Variants in PRKDC observed in about 807,000 individuals in gnomAD.
PRKDC encodes the protein protein kinase, DNA-activated, catalytic subunit.
A neutral mutation model predicts 486.9 loss-of-function variants in PRKDC; 82 were observed. The observed-to-expected ratio is 0.17, with a 90% CI of 0.14 to 0.20. PRKDC has a LOEUF of 0.20. Ranked by LOEUF, PRKDC falls within the 10% of genes least tolerant of loss-of-function variation. The pLI is 1.00. For synonymous variants in PRKDC, 1,895 were observed against 1,837.0 expected (o/e 1.03, Z -0.81); for missense variants, 4,504 against 5,038.2 (o/e 0.89, Z 3.21).
chr8:47,806,200 T>C (rs2087212898), intron 69 of PRKDC, among the ~76,000 whole-genome samples: 1 of 152,198 alleles, frequency 6.6e-6, no homozygotes, highest in Admixed American at 6.5e-5. Context: ...GCTGTTGTCA[T>C]CATGTGTGCA....
chr8:47,803,177 T>C, intron 70 of PRKDC, 129 bp downstream of exon 70: 1 of 891,888 alleles, frequency 1.1e-6, no homozygotes, highest in Non-Finnish European at 1.6e-6. Context: ...CACTTTGCTA[T>C]ATTCCCTGAA....
At chr8:47,854,028 CTG>C (rs2088477546) in intron 51 of PRKDC, 53 bp downstream of exon 51, 1 of 1,595,438 alleles carries the variant, frequency 6.3e-7, no homozygotes, top group African/African-American at 1.3e-5. Context: ...ATACTGAAGT[CTG>C]TCAATCCAGT....
chr8:47,914,973 ATT>A (rs2089963787), intron 23 of PRKDC, among the ~76,000 whole-genome samples: 1 of 152,132 alleles, frequency 6.6e-6, no homozygotes, highest in Admixed American at 6.6e-5. Flanking sequence ...AAAAATGGTA[ATT>A]CTCATTTGGA....
At position 47,782,529 on chromosome 8, in the gene PRKDC, G is replaced by A. The variant is rs1368642982; in HGVS notation, c.11245C>T (p.Pro3749Ser). The change falls in exon 79 of 86, where the codon CCT (proline) becomes TCT (serine). Residue 3749 changes from proline to serine, a missense_variant. Physicochemically the swap from Pro to Ser is moderately conservative, Grantham distance 74. This residue lies in a region of PRKDC where 706 missense variants were observed against 945.0 expected (regional missense o/e 0.75). Coordinates refer to ENST00000314191, the MANE Select transcript of PRKDC (RefSeq NM_006904.7). This position sits in a 1 kb window ranked among gnomAD's most constrained non-coding sequence, Gnocchi z 4.9. The part of the protein sequence containing the change: ...IIRGHDEREH[P>S]FLVKGGEDLR... ...TCCTCGCCACCCTTCACCAGGAAAGGGTGTTCCCTCTCGTCATGGCCACGG... is the reference window on the plus strand; with the variant it reads ...TCCTCGCCACCCTTCACCAGGAAAGAGTGTTCCCTCTCGTCATGGCCACGG... The A allele has an allele frequency of 1.3e-6, 2 of 1,576,698 alleles. No homozygotes were observed. Among genetic ancestry groups the A allele is most frequent in the Non-Finnish European group, 1.7e-6 (2 of 1,161,508 alleles).
At chr8:47,831,645 G>A (rs1167525379) in intron 60 of PRKDC, among the ~76,000 whole-genome samples, 169 bp downstream of exon 60, 2 of 152,182 alleles carry the variant, frequency 1.3e-5, no homozygotes, top group East Asian at 3.9e-4. Flanking sequence ...AGAGCGCCAT[G>A]AGGGCTGCAT....
intron 29 of PRKDC, 57 bp downstream of exon 29, chr8:47,898,413 G>T: frequency 4.5e-6 from 6 of 1,345,032 alleles, no homozygotes; most frequent in Non-Finnish European, 5.2e-6. Flanking sequence ...TCCTTCATTA[G>T]CTGTGAATTA....
intron 74 of PRKDC, among the ~76,000 whole-genome samples, chr8:47,790,323 G>T (rs1011206187): frequency 2.0e-5 from 3 of 152,062 alleles, no homozygotes; most frequent in African/African-American, 7.2e-5. Context: ...ACAAATAAAA[G>T]AAAATACTTA....
At position 47,785,360 on chromosome 8, in the gene PRKDC, T is replaced by G. The variant is rs955329742; in HGVS notation, c.10903-43A>C. ...TTACTATAAAGACTGATGTTTAGTTTGGACTTTGGAAAAGGCTCTAAGCTT... is the reference window on the plus strand; with the variant it reads ...TTACTATAAAGACTGATGTTTAGTTGGGACTTTGGAAAAGGCTCTAAGCTT... On this transcript the variant is annotated intron_variant, in intron 76 of 85. Coordinates refer to ENST00000314191, the MANE Select transcript of PRKDC (RefSeq NM_006904.7). 3 of 1,452,340 alleles carry G rather than the reference T, an allele frequency of 2.1e-6. No individual in the cohort carries two copies. In the African/African-American group the frequency reaches 4.3e-5, roughly 21 times the overall value. 90.0% of individuals were successfully genotyped at this position (1,452,340 alleles called of 1,614,324 possible).
intron 43 of PRKDC, 35 bp downstream of exon 43, chr8:47,862,338 C>T (rs1431091757): frequency 6.3e-7 from 1 of 1,577,026 alleles, no homozygotes; most frequent in African/African-American, 1.4e-5. Context: ...TGAACTCCTA[C>T]AATAACAATA....
intron 74 of PRKDC, among the ~76,000 whole-genome samples, chr8:47,792,839 C>T (rs905988678): frequency 6.6e-6 from 1 of 152,064 alleles, no homozygotes; most frequent in East Asian, 1.9e-4. Context: ...GTATATAACG[C>T]GATATATAGT....
chr8:47,803,196 A>G (rs2087145550), intron 70 of PRKDC, 110 bp downstream of exon 70: 1 of 1,117,788 alleles, frequency 8.9e-7, no homozygotes, highest in Non-Finnish European at 1.2e-6. Context: ...AAATTACTGC[A>G]AAGATTTACC....
chr8:47,916,720 T>C (rs1159138533), intron 22 of PRKDC, among the ~76,000 whole-genome samples: 1 of 152,156 alleles, frequency 6.6e-6, no homozygotes, highest in Non-Finnish European at 1.5e-5. Flanking sequence ...ACACAGTGCT[T>C]TTTCTCCAGA....
chr8:47,883,293 T>C (rs2089261574), intron 36 of PRKDC, among the ~76,000 whole-genome samples: 1 of 152,246 alleles, frequency 6.6e-6, no homozygotes, highest in Non-Finnish European at 1.5e-5. Context: ...ATTCAATTTC[T>C]AGATCCTTTC....
At chr8:47,907,116 C>G (rs1331910828) in intron 25 of PRKDC, among the ~76,000 whole-genome samples, 2 of 151,186 alleles carry the variant, frequency 1.3e-5, no homozygotes, top group African/African-American at 4.8e-5. Flanking sequence ...TCTCTGCTCA[C>G]TGCAAGCTCC....
rs377151754 is a variant in PRKDC, at chr8:47,852,690, C to G, written c.6988G>C (p.Val2330Leu). ...AEVLGLILRYVMERKNILEES... is the reference protein window; with the variant it reads ...AEVLGLILRYLMERKNILEES... ...ACACTCACGTTTTTTCTCTCCATAA[C>G]ATATCGAAGTATAAGTCCTAGAACT... The change falls in exon 52 of 86, where the codon GTT becomes CTT. Residue 2330 changes from valine to leucine, a missense_variant. By Grantham distance (32) the Val-to-Leu change is conservative. Around this residue, in one of 6 missense-constraint regions of PRKDC, gnomAD observed 1,592 missense variants for 1,724.6 expected, o/e 0.92. Transcript: ENST00000314191. The G allele has an allele frequency of 2.5e-6, 4 of 1,570,522 alleles. No individual in the cohort carries two copies. Among genetic ancestry groups the G allele is most frequent in the East Asian group, 2.3e-5 (1 of 43,706 alleles).
intron 74 of PRKDC, among the ~76,000 whole-genome samples, chr8:47,794,061 A>G (rs1563737368): frequency 6.6e-6 from 1 of 152,218 alleles, no homozygotes; most frequent in Non-Finnish European, 1.5e-5. Flanking sequence ...TGACCATATG[A>G]GCAGAATGTT....
intron 30 of PRKDC, among the ~76,000 whole-genome samples, chr8:47,894,678 C>G (rs1319496673): frequency 6.6e-6 from 1 of 152,182 alleles, no homozygotes; most frequent in Non-Finnish European, 1.5e-5. Flanking sequence ...AGGGACAACC[C>G]TGCACCTGTC....
At chr8:47,924,625 G>A (rs937237426) in intron 21 of PRKDC, among the ~76,000 whole-genome samples, 9 of 151,938 alleles carry the variant, frequency 5.9e-5, no homozygotes, top group Non-Finnish European at 1.2e-4. Context: ...TGGGTGCCAG[G>A]TTTGCTTGTT....
chr8:47,959,043 G>C (rs2090763010), intron 1 of PRKDC: 1 of 152,022 alleles, frequency 6.6e-6, no homozygotes, highest in Non-Finnish European at 1.5e-5. Flanking sequence ...GCCACATATA[G>C]CATCTAGTTT....
Sources: gnomAD v4.1 joint callset for allele counts (sites outside exome capture counted in the v4.1 genomes callset) on GRCh38, gnomAD v4.1.1 for gene constraint, gnomAD v4.1.1 regional missense constraint, Gnocchi (gnomAD v3.1) non-coding constraint, MANE v1.5 for transcripts, NCBI Gene and HGNC (gene_info 2026-07-23, HGNC 2026-07-21) for gene names.